JMJD1C: variants seen among roughly 807,000 people sequenced by gnomAD.
JMJD1C encodes the protein jumonji domain-containing protein 1C.
JMJD1C carries 31 observed loss-of-function variants against 245.3 expected under a neutral mutation model. That is an observed-to-expected ratio of 0.13 (90% CI 0.09 to 0.17). The LOEUF is 0.17. Among genes scored for constraint, JMJD1C ranks in the 10% least tolerant of loss-of-function variants. JMJD1C has a pLI of 1.00. For missense variants in JMJD1C, 2,691 were observed against 3,000.2 expected, an observed-to-expected ratio of 0.90 and a Z score of 2.41; for synonymous variants, 1,057 against 1,017.4, an observed-to-expected ratio of 1.04 and a Z score of -0.74.
At chr10:63,464,698 C>CAA (rs34490360) in intron 1 of JMJD1C, among the ~76,000 whole-genome samples, 3 of 143,326 alleles carry the variant, frequency 2.1e-5, no homozygotes, top group African/African-American at 7.8e-5. Flanking sequence ...TGTAAGAAAC[C>CAA]AAAAAAAAAA....
intron 3 of JMJD1C, among the ~76,000 whole-genome samples, chr10:63,235,329 C>T (rs932461907): frequency 6.6e-6 from 1 of 152,050 alleles, no homozygotes; most frequent in South Asian, 2.1e-4. Flanking sequence ...AACCCCATCG[C>T]TCCTAAAAAT....
At chr10:63,265,009 G>A (rs926973603) in intron 2 of JMJD1C, among the ~76,000 whole-genome samples, 7 of 152,004 alleles carry the variant, frequency 4.6e-5, no homozygotes, top group African/African-American at 9.7e-5. Flanking sequence ...AGTCCCAACT[G>A]TTTACTTTTA....
chr10:63,387,904 G>A (rs543501692), intron 1 of JMJD1C, among the ~76,000 whole-genome samples: 16 of 151,730 alleles, frequency 1.1e-4, no homozygotes, highest in Non-Finnish European at 1.8e-4. Context: ...CAAAGTGCTG[G>A]GATTACAGGC....
intron 2 of JMJD1C, among the ~76,000 whole-genome samples, chr10:63,295,570 T>C (rs979503613): frequency 2.6e-5 from 4 of 152,144 alleles, no homozygotes; most frequent in Admixed American, 1.3e-4. Context: ...TCAAGAAGCA[T>C]TAACTAGATT....
Position 63,207,945 on chromosome 10 carries a change from C to A in JMJD1C, c.3724G>T (p.Gly1242Cys). 1.2e-6 allele frequency: 2 copies of A among 1,614,086 alleles called. No individual in the cohort carries two copies. Among genetic ancestry groups the A allele is most frequent in the Non-Finnish European group, 1.7e-6 (2 of 1,180,004 alleles). ...GGCTTCTGTGATTCTTGAACTTTAC[C>A]ACCAGCATTTACTGGCATCACCGGA... ...LTPVMPVNAG[G>C]KVQESQKPPT... is the part of the protein sequence containing the mutation. The change falls in exon 10 of 26, where the codon GGT becomes TGT. Residue 1242 changes from glycine (G) to cysteine (C), a missense_variant. Physicochemically the swap from Gly to Cys is radical, Grantham distance 159. Around this residue, in one of 9 missense-constraint regions of JMJD1C, gnomAD observed 1,562 missense variants for 1,490.7 expected, o/e 1.05. Transcript: ENST00000399262.
rs2133215516 is a variant in JMJD1C, at chr10:63,213,852, G to A, written c.2315C>T (p.Thr772Ile). Residue 772 changes from threonine (T) to isoleucine (I), a missense_variant, in exon 8 of 26, where the codon ACT becomes ATT. Transcript: ENST00000399262. ...ATGAGTGTTAATGGTAGGTAATGGAGTTTGACTAGATGATCCGGCTAGTAA... is the reference window on the plus strand; with the variant it reads ...ATGAGTGTTAATGGTAGGTAATGGAATTTGACTAGATGATCCGGCTAGTAA... ...PHLLAGSSSQ[T>I]PLPTINTHPL... 2 of 1,614,098 alleles carry A rather than the reference G, an allele frequency of 1.2e-6. No individual in the cohort carries two copies. The highest frequency in any genetic ancestry group is 1.7e-6 in the Non-Finnish European group (2 of 1,179,958).
At chr10:63,274,962 A>G (rs1856643418) in intron 2 of JMJD1C, among the ~76,000 whole-genome samples, 1 of 152,092 alleles carries the variant, frequency 6.6e-6, no homozygotes, top group Admixed American at 6.6e-5. Flanking sequence ...TTAGAAAGTG[A>G]GCTGAGAGGA....
intron 1 of JMJD1C, among the ~76,000 whole-genome samples, chr10:63,392,878 A>AAACACT (rs1948181906): frequency 6.9e-6 from 1 of 145,310 alleles, no homozygotes; most frequent in Non-Finnish European, 1.5e-5. Flanking sequence ...ACACACACAC[A>AAACACT]CACACACACA....
At chr10:63,396,750 T>C (rs889441145) in intron 1 of JMJD1C, among the ~76,000 whole-genome samples, 2 of 151,606 alleles carry the variant, frequency 1.3e-5, no homozygotes, top group Non-Finnish European at 2.9e-5. Context: ...AATAATACAA[T>C]AGGCACAGAG....
chr10:63,421,330 G>A (rs1014133776), intron 1 of JMJD1C, among the ~76,000 whole-genome samples: 4 of 151,970 alleles, frequency 2.6e-5, no homozygotes, highest in Admixed American at 1.3e-4. Context: ...GTGAAACTCC[G>A]TCTCAAAAAA....
At chr10:63,346,289 T>C (rs1342914628) in intron 2 of JMJD1C, among the ~76,000 whole-genome samples, 1 of 152,108 alleles carries the variant, frequency 6.6e-6, no homozygotes, top group Admixed American at 6.6e-5. Flanking sequence ...GCAACTAAAA[T>C]AAAGCCATGA....
Position 63,380,443 on chromosome 10 carries a change from C to G in JMJD1C, c.208G>C (p.Glu70Gln), listed in dbSNP as rs1169735254. The G allele has an allele frequency of 6.2e-6, 10 of 1,613,740 alleles. No homozygotes were observed. Among genetic ancestry groups the G allele is most frequent in the Non-Finnish European group, 7.6e-6 (9 of 1,179,876 alleles). Residue 70 changes from glutamate to glutamine, a missense_variant, in exon 2 of 26, where the codon GAG becomes CAG. By Grantham distance (29) the Glu-to-Gln change is conservative (BLOSUM62 2). Around this residue, in one of 9 missense-constraint regions of JMJD1C, gnomAD observed 135 missense variants for 115.5 expected, o/e 1.17. Coordinates refer to ENST00000399262, the MANE Select transcript of JMJD1C (RefSeq NM_032776.3). ...AAATCTTCATAAACTTTAACCCACT[C>G]TCGTTTATCCCATTCAAGATCATCA... ...EFDDLEWDKR[E>Q]WVKVYEDFST...
chr10:63,418,723 G>A (rs201643221), intron 1 of JMJD1C, among the ~76,000 whole-genome samples: 1 of 112,548 alleles, frequency 8.9e-6, no homozygotes, highest in Admixed American at 1.3e-4. Flanking sequence ...AATATCATGT[G>A]GGGGGGGTTT....
chr10:63,440,075 G>A (rs1443991430), intron 1 of JMJD1C, among the ~76,000 whole-genome samples: 1 of 152,142 alleles, frequency 6.6e-6, no homozygotes, highest in Non-Finnish European at 1.5e-5. Context: ...TATTTTTTCA[G>A]TAACTATTGC....
In JMJD1C at chr10:63,465,701, C is replaced by T. The variant is rs771287383; in HGVS notation, c.-39G>A. The stretch of plus-strand genomic sequence containing the variant: ...GAAGCGGCCGCTGCCTCCTCCAGTG[C>T]GAGGGAACCGATGAAACCTCACTCC... On this transcript the variant is annotated 5_prime_UTR_variant, in exon 1 of 26. Coordinates refer to ENST00000399262, the MANE Select transcript of JMJD1C (RefSeq NM_032776.3). 3 of 1,600,662 alleles carry T rather than the reference C, an allele frequency of 1.9e-6. No individual in the cohort carries two copies. Among genetic ancestry groups the T allele is most frequent in the Admixed American group, 3.3e-5 (2 of 59,820 alleles).
intron 1 of JMJD1C, among the ~76,000 whole-genome samples, chr10:63,418,332 T>C (rs1949915817): frequency 1.3e-5 from 2 of 152,196 alleles, no homozygotes; most frequent in African/African-American, 2.4e-5. Context: ...CCTGACAAAA[T>C]ATCTCATCTA....
chr10:63,362,212 G>A (rs1945431637), intron 2 of JMJD1C, among the ~76,000 whole-genome samples: 1 of 145,762 alleles, frequency 6.9e-6, no homozygotes, highest in African/African-American at 2.5e-5. Flanking sequence ...TCCAGCACGC[G>A]CAACAGAGTG....
In JMJD1C at chr10:63,387,639, T is replaced by A. The variant is rs1947727574; in HGVS notation, c.169-7157A>T. ...AAAAAGAAAAAAAAAATTTTTTTTT[T>A]TTTTTTTTTTTTTTGAGACGGAGTC... On this transcript the variant is annotated intron_variant, in intron 1 of 25. Transcript: ENST00000399262. Among the ~76,000 whole-genome samples the A allele has an allele frequency of 2.7e-5, 3 of 112,224 alleles. No homozygotes were observed. The South Asian group carries it at 9.2e-4, about 34-fold the overall frequency. The allele number at this position is 112,224 out of a possible 152,430, so 73.6% of individuals were successfully genotyped here. A position where few individuals can be genotyped will look rare whatever the true frequency, so the allele number is the denominator to read the frequency against.
At chr10:63,445,385 T>TA (rs1038598409) in intron 1 of JMJD1C, among the ~76,000 whole-genome samples, 9 of 152,158 alleles carry the variant, frequency 5.9e-5, no homozygotes, top group African/African-American at 2.2e-4. Context: ...TGAACATACT[T>TA]ACCAGAAAGA....
Sources: allele counts gnomAD v4.1 joint callset (sites outside exome capture counted in the v4.1 genomes callset), GRCh38; gene constraint gnomAD v4.1.1; regional missense constraint gnomAD v4.1.1; transcripts MANE v1.5; gene names NCBI Gene and HGNC (gene_info 2026-07-23, HGNC 2026-07-21).